The following CNTN5 variants were observed in gnomAD, a reference collection of about 807,000 sequenced individuals.
CNTN5 encodes contactin 5.
Under a neutral mutation model 129.1 loss-of-function variants are expected in CNTN5, and 77 were observed. That is an observed-to-expected ratio of 0.60 (90% confidence interval 0.50 to 0.72). CNTN5 has a LOEUF of 0.72. CNTN5 is among the 30% of genes least tolerant of loss of function. CNTN5 has a pLI of 0.00. For missense variants in CNTN5, 1,478 were observed against 1,328.8 expected, an observed-to-expected ratio of 1.11 and a Z score of -1.75; for synonymous variants, 509 against 465.6, an observed-to-expected ratio of 1.09 and a Z score of -1.20.
chr11:99,979,130 G>A (rs1411215072), intron 8 of CNTN5, among the ~76,000 whole-genome samples: 3 of 152,024 alleles, frequency 2.0e-5, no homozygotes, highest in South Asian at 2.1e-4. Flanking sequence ...GTTTCATTTC[G>A]TTTTCTTTTT....
chr11:100,159,115 C>A (rs936159710), intron 13 of CNTN5, among the ~76,000 whole-genome samples: 6 of 151,318 alleles, frequency 4.0e-5, no homozygotes, highest in Non-Finnish European at 7.4e-5. Context: ...CAAAAACAGG[C>A]AAAACTAATA....
At chr11:99,573,371 C>G (rs542275500) in intron 3 of CNTN5, among the ~76,000 whole-genome samples, 1 of 151,900 alleles carries the variant, frequency 6.6e-6, no homozygotes, top group East Asian at 2.0e-4. Flanking sequence ...CAGATCGAGA[C>G]CATCCTGGCT....
intron 2 of CNTN5, among the ~76,000 whole-genome samples, chr11:99,408,129 G>A (rs982193410): frequency 1.3e-5 from 2 of 151,920 alleles, no homozygotes; most frequent in African/African-American, 2.4e-5. Context: ...ATATTTGTTG[G>A]ACCCTTCTAT....
chr11:99,136,673 C>A (rs1029938932), intron 1 of CNTN5, among the ~76,000 whole-genome samples: 16 of 152,050 alleles, frequency 1.1e-4, no homozygotes, highest in Middle Eastern at 6.3e-3. Context: ...GAAGCTGCAG[C>A]TTATCAGCTA....
intron 6 of CNTN5, among the ~76,000 whole-genome samples, chr11:99,903,552 G>T (rs769717853): frequency 5.9e-5 from 9 of 152,060 alleles, no homozygotes; most frequent in Non-Finnish European, 1.0e-4. Flanking sequence ...ATGTGGAAAA[G>T]AAATAACTGT....
intron 2 of CNTN5, among the ~76,000 whole-genome samples, chr11:99,403,565 T>A (rs1391220307): frequency 1.3e-5 from 2 of 152,178 alleles, no homozygotes; most frequent in Admixed American, 6.5e-5. Flanking sequence ...TCCATTATCA[T>A]TTGTTTCAAA....
At chr11:100,074,321 T>G in intron 13 of CNTN5, 27 bp downstream of exon 13, 1 of 1,551,000 alleles carries the variant, frequency 6.4e-7, no homozygotes, top group South Asian at 1.2e-5. Context: ...TAATTCAAGT[T>G]CAACATTAGA....
intron 15 of CNTN5, among the ~76,000 whole-genome samples, chr11:100,202,158 A>G (rs1305787227): frequency 6.6e-6 from 1 of 152,026 alleles, no homozygotes; most frequent in Non-Finnish European, 1.5e-5. Context: ...AACTTTCCCA[A>G]ACTTAAACAA....
rs1259075015 is a variant in CNTN5 at position 100,224,751 on chromosome 11, T to C, written c.1944T>C (p.Tyr648=). 4 of 1,612,990 alleles carry C rather than the reference T, an allele frequency of 2.5e-6. No individual in the cohort carries two copies. Among genetic ancestry groups the C allele is most frequent in the South Asian group, 2.2e-5 (2 of 91,048 alleles). ...TCCTTCTGATGCATGCTGGGAGATA[T>C]GGCTGCAGGGTACAGACCACAGCAG... ...RNILLMHAGR[Y]GCRVQTTADS... is the part of the protein sequence containing the mutation. Residue 648 remains tyrosine, a synonymous_variant, in exon 16 of 25, where the codon TAT becomes TAC. Transcript: ENST00000524871.
chr11:100,285,251 C>A (rs1275627995), intron 18 of CNTN5, among the ~76,000 whole-genome samples: 1 of 152,092 alleles, frequency 6.6e-6, no homozygotes, highest in Non-Finnish European at 1.5e-5. Flanking sequence ...GAGTTAAACA[C>A]GTTTGTTGAT....
At chr11:100,270,748 T>C (rs1203405296) in intron 17 of CNTN5, among the ~76,000 whole-genome samples, 1 of 152,228 alleles carries the variant, frequency 6.6e-6, no homozygotes, top group East Asian at 1.9e-4. Flanking sequence ...AGAAATTTCC[T>C]AGAAAATGAA....
At chr11:99,537,098 G>C (rs1473217175) in intron 2 of CNTN5, among the ~76,000 whole-genome samples, 2 of 152,068 alleles carry the variant, frequency 1.3e-5, no homozygotes, top group Admixed American at 6.6e-5. Context: ...CAGACTTAGA[G>C]ATTTTAAATA....
chr11:100,073,686 A>AT lies in CNTN5; in HGVS notation c.1430-458_1430-457insT, dbSNP rs1944017397. Reference sequence around the variant, plus strand: ...TTAATTTTTAAACAATGTATTATATAAAACATTTAATGTTTTATAATATTA... The same window carrying AT: ...TTAATTTTTAAACAATGTATTATATATAAACATTTAATGTTTTATAATATTA... On this transcript the variant is annotated intron_variant, in intron 12 of 24. Coordinates refer to ENST00000524871, the MANE Select transcript of CNTN5 (RefSeq NM_014361.4). Among the ~76,000 whole-genome samples the AT allele has an allele frequency of 9.2e-5, 14 of 152,102 alleles. No individual in the cohort carries two copies. The South Asian group carries it at 1.4e-3, about 16-fold the overall frequency.
At position 99,819,546 on chromosome 11, in the gene CNTN5, T is replaced by C. The variant is rs2135554763; in HGVS notation, c.58T>C (p.Tyr20His). Residue 20 changes from tyrosine to histidine, a missense_variant and splice_region_variant, in exon 4 of 25, where the codon TAT becomes CAT. Physicochemically the swap from Tyr to His is moderately conservative, Grantham distance 83. Coordinates refer to ENST00000524871, the MANE Select transcript of CNTN5 (RefSeq NM_014361.4). The part of the protein sequence containing the change: ...FLSVTMCLSE[Y>H]SKSLPGLSTS... ...TTATTATATTTTTTCTCTTACAGAG[T>C]ATTCAAAATCTCTTCCTGGTCTCTC... is the stretch of plus-strand genomic sequence containing the variant. 6.2e-7 allele frequency: 1 copy of C among 1,604,214 alleles called. No individual in the cohort carries two copies. The highest frequency in any genetic ancestry group is 2.2e-5 in the East Asian group (1 of 44,676).
At chr11:99,174,239 T>A (rs1378027482) in intron 1 of CNTN5, among the ~76,000 whole-genome samples, 1 of 152,146 alleles carries the variant, frequency 6.6e-6, no homozygotes, top group Non-Finnish European at 1.5e-5. Flanking sequence ...CCTCAAGTGA[T>A]CTGCTTGCCT....
At chr11:99,466,058 A>G (rs1944927489) in intron 2 of CNTN5, among the ~76,000 whole-genome samples, 1 of 151,656 alleles carries the variant, frequency 6.6e-6, no homozygotes. Context: ...AATTTTTTGT[A>G]TTTTTAGTAG....
chr11:99,522,676 C>T (rs1012353659), intron 2 of CNTN5, among the ~76,000 whole-genome samples: 2 of 151,930 alleles, frequency 1.3e-5, no homozygotes, highest in Admixed American at 1.3e-4. Flanking sequence ...TTAATGTAGT[C>T]GAAGGATCAT....
intron 1 of CNTN5, among the ~76,000 whole-genome samples, chr11:99,183,344 C>T (rs764861226): frequency 6.6e-6 from 1 of 152,070 alleles, no homozygotes; most frequent in Non-Finnish European, 1.5e-5. Context: ...GAAATTATTT[C>T]AGAAACCAGA....
chr11:100,014,323 A>C lies in CNTN5; in HGVS notation c.980+12187A>C, dbSNP rs571789485. Among the ~76,000 whole-genome samples, 3 of 152,080 alleles carry C rather than the reference A, an allele frequency of 2.0e-5. No homozygotes were observed. The South Asian group carries it at 6.2e-4, about 32-fold the overall frequency. On this transcript the variant is annotated intron_variant, in intron 9 of 24. Transcript: ENST00000524871. ...CGACCTCTGCCAAATCTTCCATCCCAATCTGCCAGACATTTAAAACCTCTC... is the reference window on the plus strand; with the variant it reads ...CGACCTCTGCCAAATCTTCCATCCCCATCTGCCAGACATTTAAAACCTCTC...
Sources: allele counts gnomAD v4.1 joint callset (sites outside exome capture counted in the v4.1 genomes callset), GRCh38; gene constraint gnomAD v4.1.1; transcripts MANE v1.5; gene names NCBI Gene and HGNC (gene_info 2026-07-23, HGNC 2026-07-21).